ANK2: variants seen among roughly 807,000 people sequenced by gnomAD.
ANK2 encodes ankyrin 2.
ANK2 carries 83 observed loss-of-function variants against 360.5 expected under a neutral mutation model. The observed-to-expected ratio is 0.23, with a 90% CI of 0.19 to 0.28. The LOEUF is 0.28. ANK2 is among the 10% of genes least tolerant of loss of function. The pLI, the probability that ANK2 is intolerant of heterozygous loss-of-function variation, is 1.00. For synonymous variants in ANK2, 1,740 were observed against 1,759.5 expected (o/e 0.99, Z 0.28); for missense variants, 4,201 against 4,795.7 (o/e 0.88, Z 3.66).
At chr4:113,199,455 G>A (rs1386553678) in intron 4 of ANK2, among the ~76,000 whole-genome samples, 2 of 151,942 alleles carry the variant, frequency 1.3e-5, no homozygotes, top group Non-Finnish European at 2.9e-5. Context: ...TTCTCTTTCC[G>A]TAAATTTAAA....
At chr4:112,839,757 C>G (rs748260027) in intron 1 of ANK2, among the ~76,000 whole-genome samples, 3 of 152,144 alleles carry the variant, frequency 2.0e-5, no homozygotes, top group African/African-American at 7.2e-5. Context: ...CAATGACCAG[C>G]TTTAAGGCAA....
chr4:112,921,940 G>C (rs976757816), intron 2 of ANK2, among the ~76,000 whole-genome samples: 2 of 152,172 alleles, frequency 1.3e-5, no homozygotes, highest in Non-Finnish European at 2.9e-5. Flanking sequence ...CTGGTAACCA[G>C]CTCCAGTGCT....
rs183900388 is a variant in ANK2 at position 112,945,402 on chromosome 4, T to G, written c.21+40888T>G. 1.8e-3 allele frequency among the ~76,000 whole-genome samples: 267 copies of G among 152,290 alleles called. 1 individual carries two copies. Among genetic ancestry groups the G allele is most frequent in the Admixed American group, 5.2e-3 (79 of 15,298 alleles). ...TGACTACCATTTAGTATCAAGATTT[T>G]AAAAGTAATAATTAGGTGAGGAAAA... On this transcript the variant is annotated intron_variant, in intron 2 of 30. Transcript: ENST00000503271.
chr4:113,209,552 G>A (rs964021313), intron 4 of ANK2, among the ~76,000 whole-genome samples: 3 of 151,968 alleles, frequency 2.0e-5, no homozygotes, highest in Admixed American at 1.3e-4. Context: ...TCCACACCAA[G>A]GTTTTCAGCG....
intron 1 of ANK2, among the ~76,000 whole-genome samples, chr4:112,830,723 C>T (rs2059526948): frequency 6.6e-6 from 1 of 152,218 alleles, no homozygotes; most frequent in African/African-American, 2.4e-5. Flanking sequence ...AGGAGCCCTT[C>T]AGCCCGCAGC....
At chr4:112,733,189 A>G in the ANK2 span, among the ~76,000 whole-genome samples, 6 of 152,250 alleles carry the variant, frequency 3.9e-5, no homozygotes, top group East Asian at 9.6e-4. Context: ...GCACTCCAGC[A>G]TGGGCGACAA....
the ANK2 span, among the ~76,000 whole-genome samples, chr4:112,748,891 TTTTATTTA>T: frequency 6.6e-6 from 1 of 152,180 alleles, no homozygotes; most frequent in African/African-American, 2.4e-5. Context: ...GGACCTATGA[TTTTATTTA>T]TTTATTTATT....
At chr4:112,891,585 C>CAGCAAAGTACA (rs2080043078) in intron 1 of ANK2, among the ~76,000 whole-genome samples, 1 of 152,098 alleles carries the variant, frequency 6.6e-6, no homozygotes, top group African/African-American at 2.4e-5. Flanking sequence ...GGAGGCAGAG[C>CAGCAAAGTACA]TAAGTTCAAA....
intron 1 of ANK2, chr4:112,882,067 T>C: frequency 5.4e-6 from 2 of 367,812 alleles, no homozygotes; most frequent in East Asian, 1.0e-4. Context: ...CCTCAGGCTC[T>C]CATCGGTTGT....
chr4:112,854,907 A>G (rs1033862735), intron 1 of ANK2, among the ~76,000 whole-genome samples: 32 of 152,052 alleles, frequency 2.1e-4, no homozygotes, highest in African/African-American at 7.0e-4. Context: ...AATTTGGGTT[A>G]TTTAAATCTT....
At chr4:112,977,551 T>A (rs531669796) in intron 2 of ANK2, among the ~76,000 whole-genome samples, 186 of 151,608 alleles carry the variant, frequency 1.2e-3, no homozygotes, top group African/African-American at 4.0e-3. Flanking sequence ...TTAAAAAAAA[T>A]TTTATTTATT....
Position 113,345,885 on chromosome 4 carries a change from T to C in ANK2, c.4249-15T>C. ...ATCAAATGTGGGTGAAGCATGTATGTCTTTCTTGTTCAAGGTACGCGATAC... is the reference window on the plus strand; with the variant it reads ...ATCAAATGTGGGTGAAGCATGTATGCCTTTCTTGTTCAAGGTACGCGATAC... On this transcript the variant is annotated splice_polypyrimidine_tract_variant and intron_variant, in intron 34 of 45. Coordinates refer to ENST00000357077, the MANE Select transcript of ANK2 (RefSeq NM_001148.6). 1 of 1,613,234 alleles carries C rather than the reference T, an allele frequency of 6.2e-7. No homozygotes were observed. Among genetic ancestry groups the C allele is most frequent in the African/African-American group, 1.3e-5 (1 of 75,000 alleles).
At chr4:112,996,665 A>G (rs1336529986) in intron 2 of ANK2, among the ~76,000 whole-genome samples, 1 of 152,110 alleles carries the variant, frequency 6.6e-6, no homozygotes, top group African/African-American at 2.4e-5. Flanking sequence ...TGATACAGGC[A>G]TGCAACGTGA....
At chr4:113,362,092 A>C (rs1236369124) in intron 39 of ANK2, among the ~76,000 whole-genome samples, 1 of 152,198 alleles carries the variant, frequency 6.6e-6, no homozygotes, top group African/African-American at 2.4e-5. Flanking sequence ...AATATTCCTC[A>C]TAAGTAGTCT....
chr4:113,289,004 T>G (rs982775283), intron 20 of ANK2, among the ~76,000 whole-genome samples: 12 of 152,268 alleles, frequency 7.9e-5, no homozygotes, highest in Admixed American at 5.2e-4. Context: ...CCCAGCAGTT[T>G]CCCCAGTGGC....
chr4:112,803,154 T>C, the ANK2 span, among the ~76,000 whole-genome samples: 3 of 152,174 alleles, frequency 2.0e-5, no homozygotes, highest in Admixed American at 1.3e-4. Context: ...ATATCTATCA[T>C]AGTAGTAGTT....
chr4:112,822,176 G>A (rs1420662781), intron 1 of ANK2, among the ~76,000 whole-genome samples: 4 of 150,014 alleles, frequency 2.7e-5, no homozygotes, highest in Non-Finnish European at 4.4e-5. Context: ...GCCAAGGCGA[G>A]AGGATCACGA....
At chr4:112,795,512 T>C in the ANK2 span, among the ~76,000 whole-genome samples, 1 of 151,888 alleles carries the variant, frequency 6.6e-6, no homozygotes, top group Non-Finnish European at 1.5e-5. Context: ...TTAAATTTTT[T>C]TTATTTTCCG....
At chr4:113,099,262 C>CAAA (rs140158541) in intron 1 of ANK2, among the ~76,000 whole-genome samples, 1,983 of 10,114 alleles carry the variant, frequency 0.2, 25 homozygotes, top group African/African-American at 0.31. Context: ...CCCAAATGGT[C>CAAA]AACAACAATA....
Sources: gnomAD v4.1 joint callset for allele counts (sites outside exome capture counted in the v4.1 genomes callset) on GRCh38, gnomAD v4.1.1 for gene constraint, MANE v1.5 for transcripts, NCBI Gene and HGNC (gene_info 2026-07-23, HGNC 2026-07-21) for gene names.